Variants in FBXL7 observed in about 807,000 individuals in gnomAD.
FBXL7 encodes the protein F-box/LRR-repeat protein 7.
Under a neutral mutation model 38.3 loss-of-function variants are expected in FBXL7, and 12 were observed. The observed-to-expected ratio is 0.31, with a 90% CI of 0.20 to 0.51. The LOEUF (loss-of-function observed/expected upper bound fraction) is 0.51, where lower values mean the gene tolerates loss of function less well. Ranked by LOEUF, FBXL7 falls within the 20% of genes least tolerant of loss-of-function variation. FBXL7 has a pLI of 0.98. For synonymous variants in FBXL7, 297 were observed against 300.9 expected (o/e 0.99, Z 0.13); for missense variants, 567 against 676.4 (o/e 0.84, Z 1.79).
intron 2 of FBXL7, among the ~76,000 whole-genome samples, chr5:15,874,921 T>C (rs542955049): frequency 6.6e-6 from 1 of 152,184 alleles, no homozygotes; most frequent in Non-Finnish European, 1.5e-5. Flanking sequence ...TACTTTAAAT[T>C]TCATATGGAA....
intron 2 of FBXL7, among the ~76,000 whole-genome samples, chr5:15,701,944 G>A (rs1216980585): frequency 6.6e-6 from 1 of 152,102 alleles, no homozygotes; most frequent in Non-Finnish European, 1.5e-5. Context: ...AGTGAATGAA[G>A]AAACATGGCT....
chr5:15,903,112 G>A (rs796116036), intron 2 of FBXL7, among the ~76,000 whole-genome samples: 23 of 152,350 alleles, frequency 1.5e-4, no homozygotes, highest in African/African-American at 4.8e-4. Context: ...GAGGGGTAGA[G>A]GCCATTTCAA....
At chr5:15,893,534 G>C (rs775018659) in intron 2 of FBXL7, among the ~76,000 whole-genome samples, 9 of 152,030 alleles carry the variant, frequency 5.9e-5, no homozygotes, top group Non-Finnish European at 8.8e-5. Flanking sequence ...AGTAAGCATA[G>C]TACCTATTGA....
At chr5:15,513,818 C>T (rs575269095) in intron 1 of FBXL7, among the ~76,000 whole-genome samples, 3 of 152,186 alleles carry the variant, frequency 2.0e-5, no homozygotes, top group Non-Finnish European at 4.4e-5. Flanking sequence ...AAATAAATTT[C>T]AAGAAATGAC....
At chr5:15,707,791 T>C (rs1043885258) in intron 2 of FBXL7, among the ~76,000 whole-genome samples, 9 of 152,166 alleles carry the variant, frequency 5.9e-5, no homozygotes, top group Non-Finnish European at 1.3e-4. Flanking sequence ...ACTTCAAAGT[T>C]TCTTGCAGCA....
intron 1 of FBXL7, among the ~76,000 whole-genome samples, chr5:15,507,154 T>C (rs1736670147): frequency 6.6e-6 from 1 of 152,044 alleles, no homozygotes; most frequent in Admixed American, 6.6e-5. Context: ...ATGTGCATAT[T>C]GGCCTAAGAT....
intron 2 of FBXL7, among the ~76,000 whole-genome samples, chr5:15,694,322 CT>C (rs1410686069): frequency 1.1e-4 from 16 of 152,106 alleles, no homozygotes; most frequent in African/African-American, 3.1e-4. Flanking sequence ...TTGTCTTAGC[CT>C]TGTTATAACT....
intron 2 of FBXL7, among the ~76,000 whole-genome samples, chr5:15,687,971 C>T (rs753293776): frequency 2.6e-5 from 4 of 152,154 alleles, no homozygotes; most frequent in Non-Finnish European, 4.4e-5. Context: ...TAACAGGCAG[C>T]GACTCTGCAT....
chr5:15,698,022 A>C (rs1287121033), intron 2 of FBXL7, among the ~76,000 whole-genome samples: 1 of 152,230 alleles, frequency 6.6e-6, no homozygotes, highest in African/African-American at 2.4e-5. Flanking sequence ...ATAATAATGC[A>C]GCAAGTTGCA....
rs187662933 is a variant in FBXL7, at chr5:15,523,286, C to T, written c.37+22573C>T. ...AAAAATTCACATAGTAGGCTGGGTG[C>T]GGTGGCTCACGGCTGTAATCCCAGC... On this transcript the variant is annotated intron_variant, in intron 1 of 3. Transcript: ENST00000504595. Among the ~76,000 whole-genome samples the T allele has an allele frequency of 4.9e-3, 746 of 152,174 alleles. 11 individuals are homozygous for T. Among genetic ancestry groups the T allele is most frequent in the Middle Eastern group, 0.017 (5 of 294 alleles).
chr5:15,522,735 A>G (rs769062100), intron 1 of FBXL7, among the ~76,000 whole-genome samples: 14 of 152,240 alleles, frequency 9.2e-5, no homozygotes, highest in Non-Finnish European at 1.8e-4. Context: ...TTGTTGAAAT[A>G]TAAGCTACTG....
intron 1 of FBXL7, among the ~76,000 whole-genome samples, chr5:15,565,000 A>G (rs1738525454): frequency 6.6e-6 from 1 of 152,154 alleles, no homozygotes; most frequent in African/African-American, 2.4e-5. Flanking sequence ...AAGGTTTTAG[A>G]ATAGTAAATA....
chr5:15,551,150 A>G (rs1018282825), intron 1 of FBXL7, among the ~76,000 whole-genome samples: 7 of 152,194 alleles, frequency 4.6e-5, no homozygotes, highest in African/African-American at 1.7e-4. Context: ...TCATGTTACA[A>G]CATGACAAGG....
intron 1 of FBXL7, among the ~76,000 whole-genome samples, chr5:15,554,229 G>A (rs576669706): frequency 9.9e-5 from 15 of 152,216 alleles, no homozygotes; most frequent in African/African-American, 3.1e-4. Flanking sequence ...GGCATATTCT[G>A]TCTCAAGGTC....
chr5:15,733,798 T>G (rs1421009069), intron 2 of FBXL7, among the ~76,000 whole-genome samples: 1 of 152,218 alleles, frequency 6.6e-6, no homozygotes, highest in Non-Finnish European at 1.5e-5. Context: ...TAACAATAGT[T>G]TTATTTTCCT....
intron 2 of FBXL7, among the ~76,000 whole-genome samples, chr5:15,678,584 C>G (rs1222077179): frequency 1.3e-5 from 2 of 152,272 alleles, no homozygotes; most frequent in South Asian, 4.1e-4. Flanking sequence ...CCACCTAAAT[C>G]TCATCTTGAA....
At chr5:15,557,283 C>G (rs1197653115) in intron 1 of FBXL7, among the ~76,000 whole-genome samples, 1 of 152,152 alleles carries the variant, frequency 6.6e-6, no homozygotes, top group African/African-American at 2.4e-5. Context: ...GGCACAAGGA[C>G]CTTGTGTTTA....
At chr5:15,829,856 C>G (rs1034769171) in intron 2 of FBXL7, among the ~76,000 whole-genome samples, 1 of 152,080 alleles carries the variant, frequency 6.6e-6, no homozygotes, top group African/African-American at 2.4e-5. Context: ...TTGGATATTT[C>G]CTTTGTAAAG....
intron 1 of FBXL7, among the ~76,000 whole-genome samples, chr5:15,612,332 C>T (rs944950541): frequency 2.0e-5 from 3 of 152,096 alleles, no homozygotes; most frequent in African/African-American, 4.8e-5. Flanking sequence ...GCATGTAAAG[C>T]ATTTATTAGA....
Sources: gnomAD v4.1 joint callset for allele counts (sites outside exome capture counted in the v4.1 genomes callset) on GRCh38, gnomAD v4.1.1 for gene constraint, MANE v1.5 for transcripts, NCBI Gene and HGNC (gene_info 2026-07-23, HGNC 2026-07-21) for gene names.